Variants in CASP9 observed in about 807,000 individuals in gnomAD.
CASP9 encodes caspase-9.
In CASP9, 29 loss-of-function variants were observed where a neutral mutation model predicts 43.5. That is an observed-to-expected ratio of 0.67 (90% CI 0.50 to 0.91). The LOEUF (loss-of-function observed/expected upper bound fraction) is 0.91. Among genes scored for constraint, CASP9 ranks in the 40% least tolerant of loss-of-function variants. CASP9 has a pLI of 0.00. For synonymous variants in CASP9, 206 were observed against 211.9 expected (o/e 0.97, Z 0.24); for missense variants, 575 against 537.4 (o/e 1.07, Z -0.69).
At chr1:15,523,936 A>G (rs1224637905) in intron 1 of CASP9, 133 bp downstream of exon 1, 1 of 622,866 alleles carries the variant, frequency 1.6e-6, no homozygotes, top group African/African-American at 2.0e-5. Flanking sequence ...CACCCGACTA[A>G]GAGGTGTTTG....
chr1:15,493,391 G>T, intron 8 of CASP9: 1 of 1,227,760 alleles, frequency 8.1e-7, no homozygotes. Flanking sequence ...CTCAGAGGAA[G>T]CAACTGCTCT....
At chr1:15,495,796 C>G (rs1438212665) in intron 6 of CASP9, among the ~76,000 whole-genome samples, 1 of 152,178 alleles carries the variant, frequency 6.6e-6, no homozygotes, top group East Asian at 1.9e-4. Context: ...AGGCATCACC[C>G]CTCTGCCCAC....
At chr1:15,501,135 C>T (rs1016375750) in intron 6 of CASP9, among the ~76,000 whole-genome samples, 4 of 152,322 alleles carry the variant, frequency 2.6e-5, no homozygotes, top group Non-Finnish European at 4.4e-5. Context: ...AGAAAATCCA[C>T]GACCACTGCA....
chr1:15,497,644 GA>G (rs71306992), intron 6 of CASP9, among the ~76,000 whole-genome samples: 112 of 113,068 alleles, frequency 9.9e-4, no homozygotes, highest in African/African-American at 1.8e-3. Flanking sequence ...TCTGTCTCAA[GA>G]AAAAAAAAAA....
rs1557559539 is a variant in CASP9 at position 15,524,184 on chromosome 1, CG to C, written c.16del (p.Arg6GlyfsTer25). 1.3e-6 allele frequency: 2 copies of C among 1,546,244 alleles called. No homozygotes were observed. The highest frequency in any genetic ancestry group is 1.9e-5 in the Admixed American group (1 of 51,804). On this transcript the variant is annotated frameshift_variant, in exon 1 of 9. Transcript: ENST00000333868. LOFTEE classifies it high-confidence loss of function. MDEAD[R>X]RLLRRCRLRL... ...CAGCCGGCACCGCCGCAGGAGCCGC[CG>C]ATCCGCTTCGTCCATGGCGAGTAGC...
Position 15,519,414 on chromosome 1 carries a change from T to A in CASP9, c.133-1019A>T, listed in dbSNP as rs182350981. 3.1e-3 allele frequency among the ~76,000 whole-genome samples: 469 copies of A among 152,270 alleles called. 3 individuals carry two copies. The highest frequency in any genetic ancestry group is 4.9e-3 in the Non-Finnish European group (336 of 68,012). On this transcript the variant is annotated intron_variant, in intron 1 of 8. Coordinates refer to ENST00000333868, the MANE Select transcript of CASP9 (RefSeq NM_001229.5). ...CAGGCTGGTCTCAAAACTCCTGACCTCAAGCGATCCACCAACCTCAGCCTC... is the reference window on the plus strand; with the variant it reads ...CAGGCTGGTCTCAAAACTCCTGACCACAAGCGATCCACCAACCTCAGCCTC...
At chr1:15,522,651 G>A (rs896966610) in intron 1 of CASP9, among the ~76,000 whole-genome samples, 1 of 152,214 alleles carries the variant, frequency 6.6e-6, no homozygotes, top group Admixed American at 6.5e-5. Flanking sequence ...GGAGGTCAAG[G>A]TCGCAGTGAG....
intron 2 of CASP9, among the ~76,000 whole-genome samples, chr1:15,516,920 T>C: frequency 6.6e-6 from 1 of 152,196 alleles, no homozygotes; most frequent in Admixed American, 6.5e-5. Flanking sequence ...TTGGCACAAG[T>C]CATCTCCCAA....
intron 1 of CASP9, 149 bp downstream of exon 1, chr1:15,523,920 A>G: frequency 1.7e-6 from 1 of 591,688 alleles, no homozygotes; most frequent in Non-Finnish European, 2.8e-6. Context: ...GAATCGCTTT[A>G]GCGAACACCC....
chr1:15,512,639 T>C (rs1709798573), intron 2 of CASP9, among the ~76,000 whole-genome samples: 1 of 152,194 alleles, frequency 6.6e-6, no homozygotes, highest in South Asian at 2.1e-4. Flanking sequence ...ATGAGCCTGT[T>C]CCTTGTAATA....
chr1:15,524,747 C>T, upstream of CASP9: 1 of 1,017,030 alleles, frequency 9.8e-7, no homozygotes, highest in Non-Finnish European at 1.2e-6. Context: ...CGCCTGTCCC[C>T]AGAACCTGCC....
chr1:15,508,638 C>T (rs1489832145), intron 2 of CASP9, among the ~76,000 whole-genome samples: 7 of 152,164 alleles, frequency 4.6e-5, no homozygotes, highest in African/African-American at 1.7e-4. Context: ...TAGTCTCAAA[C>T]TCTTGACCTC....
chr1:15,506,140 G>A (rs147549473), intron 4 of CASP9, 61 bp from the exon 5 acceptor site: 39 of 1,143,398 alleles, frequency 3.4e-5, no homozygotes, highest in African/African-American at 2.4e-4. Context: ...AGACTGGACC[G>A]TTCCTAACAA....
chr1:15,498,974 TG>T (rs1448496693), intron 6 of CASP9, among the ~76,000 whole-genome samples: 1 of 151,934 alleles, frequency 6.6e-6, no homozygotes. Flanking sequence ...CCTGACCTCG[TG>T]ATCTGCCCGC....
intron 8 of CASP9, chr1:15,493,385 G>A: frequency 8.1e-7 from 1 of 1,232,728 alleles, no homozygotes; most frequent in Non-Finnish European, 1.0e-6. Context: ...AGGACCCTCA[G>A]AGGAAGCAAC....
intron 6 of CASP9, among the ~76,000 whole-genome samples, chr1:15,500,572 C>T (rs906054593): frequency 6.6e-6 from 1 of 152,248 alleles, no homozygotes; most frequent in African/African-American, 2.4e-5. Flanking sequence ...AACTATCCCA[C>T]TGCTTCTCAC....
chr1:15,506,876 C>A, intron 4 of CASP9, 23 bp downstream of exon 4: 7 of 1,554,232 alleles, frequency 4.5e-6, no homozygotes, highest in Non-Finnish European at 6.2e-6. Context: ...CACCCTGTCT[C>A]CCTCCACAGA....
rs1365932224 is a variant in CASP9 at position 15,504,751 on chromosome 1, T to C, written c.728A>G (p.His243Arg). 1 of 1,612,560 alleles carries C rather than the reference T, an allele frequency of 6.2e-7. No homozygotes were observed. The highest frequency in any genetic ancestry group is 1.3e-5 in the African/African-American group (1 of 74,912). ...VILSHGCQAS[H>R]LQFPGAVYGT... ...GTAGACAGCCCCTGGGAACTGCAGG[T>C]GGCTGGCCTAGAAGACCAAGAACCC... Residue 243 changes from histidine (H) to arginine (R), a missense_variant, in exon 6 of 9, where the codon CAC (histidine) becomes CGC (arginine). His to Arg is a conservative substitution (Grantham distance 29). Transcript: ENST00000333868.
chr1:15,498,821 A>G (rs1570832757), intron 6 of CASP9, among the ~76,000 whole-genome samples: 1 of 133,900 alleles, frequency 7.5e-6, no homozygotes, highest in African/African-American at 2.9e-5. Flanking sequence ...GCGATGGCTC[A>G]CTGCAAGCTT....
Sources: allele counts gnomAD v4.1 joint callset (sites outside exome capture counted in the v4.1 genomes callset), GRCh38; gene constraint gnomAD v4.1.1; transcripts MANE v1.5; gene names NCBI Gene and HGNC (gene_info 2026-07-23, HGNC 2026-07-21).